RASGEF1C: variants seen among roughly 807,000 people sequenced by gnomAD.
RASGEF1C encodes ras-GEF domain-containing family member 1C.
Under a neutral mutation model 58.1 loss-of-function variants are expected in RASGEF1C, and 27 were observed. The observed-to-expected ratio is 0.46, with a 90% confidence interval of 0.34 to 0.64. The LOEUF (loss-of-function observed/expected upper bound fraction) is 0.64. Among genes scored for constraint, RASGEF1C ranks in the 30% least tolerant of loss-of-function variants. The probability of loss-of-function intolerance (pLI) is 0.01; values close to 1 mark genes in which losing one functional copy is unlikely to be tolerated. For missense variants in RASGEF1C, 502 were observed against 605.1 expected (o/e 0.83, Z 1.79); for synonymous variants, 243 against 246.3 (o/e 0.99, Z 0.13).
chr5:180,182,282 G>C (rs1206720711), intron 1 of RASGEF1C, among the ~76,000 whole-genome samples: 2 of 150,784 alleles, frequency 1.3e-5, no homozygotes, highest in Non-Finnish European at 3.0e-5. Flanking sequence ...CTTAAAGGTG[G>C]TGTGTCTGGA....
intron 1 of RASGEF1C, among the ~76,000 whole-genome samples, chr5:180,205,343 C>T (rs886923507): frequency 6.6e-6 from 1 of 151,928 alleles, no homozygotes; most frequent in African/African-American, 2.4e-5. Flanking sequence ...ATAGTAGCAA[C>T]ACACAAGATA....
intron 10 of RASGEF1C, among the ~76,000 whole-genome samples, chr5:180,116,120 C>T (rs1766062376): frequency 6.6e-6 from 1 of 152,152 alleles, no homozygotes; most frequent in South Asian, 2.1e-4. Context: ...CACTTCTCAC[C>T]CCTTCCGCCA....
Position 180,137,127 on chromosome 5 carries a change from A to G in RASGEF1C, c.300+463T>C, listed in dbSNP as rs1285412406. On this transcript the variant is annotated intron_variant, in intron 3 of 13. Transcript: ENST00000361132. The surrounding 1 kb of genome is among the most constrained non-coding windows in gnomAD (Gnocchi z 4.1). Reference sequence around the variant, plus strand: ...GAGGCCCGAGCCAGCGGTCCCTGAGATAGGGCAGGTACACGGGCCAGCTAA... The same window carrying G: ...GAGGCCCGAGCCAGCGGTCCCTGAGGTAGGGCAGGTACACGGGCCAGCTAA... Among the ~76,000 whole-genome samples the G allele has an allele frequency of 6.6e-6, 1 of 152,236 alleles. No individual in the cohort carries two copies. Among genetic ancestry groups the G allele is most frequent in the Admixed American group, 6.5e-5 (1 of 15,308 alleles).
Position 180,136,386 on chromosome 5 carries a change from A to G in RASGEF1C, c.430T>C (p.Cys144Arg). 1 of 1,556,318 alleles carries G rather than the reference A, an allele frequency of 6.4e-7. No individual in the cohort carries two copies. The highest frequency in any genetic ancestry group is 8.7e-7 in the Non-Finnish European group (1 of 1,150,044). Residue 144 changes from cysteine to arginine, a missense_variant, in exon 4 of 14, where the codon TGT (cysteine) becomes CGT (arginine). Transcript: ENST00000361132. ...CCCGCCCAGCTGCCCACCTCGTCAC[A>G]GGGGGCGATGCGGCCCACGACGTCC... is the stretch of plus-strand genomic sequence containing the variant. ...LKDVVGRIAPCDEAYRKRMHQ... is the reference protein window; with the variant it reads ...LKDVVGRIAPRDEAYRKRMHQ...
chr5:180,202,428 A>G (rs1756410221), intron 1 of RASGEF1C, among the ~76,000 whole-genome samples: 1 of 152,338 alleles, frequency 6.6e-6, no homozygotes, highest in East Asian at 1.9e-4. Context: ...GATCATTTCC[A>G]AGAGAATGCC....
intron 1 of RASGEF1C, among the ~76,000 whole-genome samples, chr5:180,190,506 A>AAT (rs1554115710): frequency 9.2e-5 from 9 of 97,556 alleles, no homozygotes; most frequent in African/African-American, 3.0e-4. Context: ...AAAAAAAAAA[A>AAT]AATAATAATA....
intron 1 of RASGEF1C, among the ~76,000 whole-genome samples, chr5:180,199,039 G>T (rs964296479): frequency 6.6e-6 from 1 of 152,112 alleles, no homozygotes; most frequent in African/African-American, 2.4e-5. Context: ...CAGGCCCCTA[G>T]TGGTCTCAGC....
At position 180,128,323 on chromosome 5, in the gene RASGEF1C, G is replaced by A. The variant is rs1766299133; in HGVS notation, c.639+87C>T. 7 of 1,240,968 alleles carry A rather than the reference G, an allele frequency of 5.6e-6. No homozygotes were observed. In the South Asian group the frequency reaches 6.0e-5, roughly 11 times the overall value. 76.9% of individuals were successfully genotyped at this position (1,240,968 alleles called of 1,614,324 possible). On this transcript the variant is annotated intron_variant, in intron 5 of 13. Transcript: ENST00000361132. ...AGGGCCTCCTTCACAAGCTTGTGGG[G>A]CTGCTCTGGGAAGCCAGGGAGGGCA...
intron 1 of RASGEF1C, among the ~76,000 whole-genome samples, chr5:180,178,066 A>G (rs1293038585): frequency 6.6e-6 from 1 of 151,190 alleles, no homozygotes; most frequent in African/African-American, 2.4e-5. Flanking sequence ...TCCCAGGTTC[A>G]AGTGATTCTC....
intron 1 of RASGEF1C, among the ~76,000 whole-genome samples, chr5:180,162,975 T>C (rs1581114723): frequency 6.6e-6 from 1 of 152,162 alleles, no homozygotes; most frequent in Admixed American, 6.5e-5. Flanking sequence ...CTAAGTATCT[T>C]TGGGGGGCTG....
At chr5:180,186,437 T>C (rs1197487984) in intron 1 of RASGEF1C, among the ~76,000 whole-genome samples, 1 of 152,020 alleles carries the variant, frequency 6.6e-6, no homozygotes, top group Non-Finnish European at 1.5e-5. Flanking sequence ...TATAGTAGCA[T>C]CCAGAAGAAT....
intron 10 of RASGEF1C, among the ~76,000 whole-genome samples, chr5:180,116,870 G>A (rs1458468372): frequency 2.6e-5 from 4 of 152,262 alleles, no homozygotes; most frequent in Non-Finnish European, 5.9e-5. Flanking sequence ...CAGACCACGA[G>A]CTTCAGAGCC....
At chr5:180,201,258 G>A (rs1219281985) in intron 1 of RASGEF1C, among the ~76,000 whole-genome samples, 1 of 152,214 alleles carries the variant, frequency 6.6e-6, no homozygotes, top group Non-Finnish European at 1.5e-5. Flanking sequence ...GGCCAGGCAT[G>A]TGGCCTGGAA....
In RASGEF1C at chr5:180,111,506, G is replaced by A. The variant is rs185187584; in HGVS notation, c.1254C>T (p.Asp418=). ...WKQVECPFEQ[D]ASITHYLYTA... ...TGTACAGGTAGTGGGTGATGCTGGC[G>A]TCTTGCTCGAAGGGACACTCCACTT... The change falls in exon 12 of 14, where the codon GAC becomes GAT. Residue 418 remains aspartate (D), a synonymous_variant. Coordinates refer to ENST00000361132, the MANE Select transcript of RASGEF1C (RefSeq NM_175062.4). 1.4e-5 allele frequency: 23 copies of A among 1,614,234 alleles called. No individual in the cohort carries two copies. Among genetic ancestry groups the A allele is most frequent in the African/African-American group, 1.3e-4 (10 of 75,062 alleles).
At chr5:180,148,671 A>G (rs11746417) in intron 1 of RASGEF1C, among the ~76,000 whole-genome samples, 51,783 of 152,020 alleles carry the variant, frequency 0.34, 9,252 homozygotes, top group Non-Finnish European at 0.39. Context: ...CATTTTTATT[A>G]TGTTCAAAAG....
At chr5:180,151,069 A>T (rs1363399845) in intron 1 of RASGEF1C, among the ~76,000 whole-genome samples, 1 of 151,954 alleles carries the variant, frequency 6.6e-6, no homozygotes, top group African/African-American at 2.4e-5. Flanking sequence ...ATAAAAGAGG[A>T]TACAAACAAA....
intron 1 of RASGEF1C, among the ~76,000 whole-genome samples, chr5:180,148,615 A>T (rs1258792000): frequency 1.3e-5 from 2 of 152,200 alleles, no homozygotes; most frequent in African/African-American, 4.8e-5. Flanking sequence ...CTCTGCTCCT[A>T]TACAGTTCTG....
intron 1 of RASGEF1C, among the ~76,000 whole-genome samples, chr5:180,141,725 T>C (rs1171382103): frequency 2.6e-5 from 4 of 151,718 alleles, no homozygotes; most frequent in Non-Finnish European, 1.5e-5. Context: ...CACACTTTTT[T>C]TTTTTTTTTT....
At chr5:180,190,436 G>A (rs1756137741) in intron 1 of RASGEF1C, among the ~76,000 whole-genome samples, 2 of 133,810 alleles carry the variant, frequency 1.5e-5, no homozygotes, top group African/African-American at 2.6e-5. Flanking sequence ...CTTGCAGTGA[G>A]CTGAGATCGC....
Sources: gnomAD v4.1 joint callset for allele counts (sites outside exome capture counted in the v4.1 genomes callset) on GRCh38, gnomAD v4.1.1 for gene constraint, Gnocchi (gnomAD v3.1) non-coding constraint, MANE v1.5 for transcripts, NCBI Gene and HGNC (gene_info 2026-07-23, HGNC 2026-07-21) for gene names.